The following KMO variants were observed in gnomAD, a reference collection of about 807,000 sequenced individuals.
The protein encoded by KMO is kynurenine 3-hydroxylase.
KMO carries 24 observed loss-of-function variants against 57.8 expected under a neutral mutation model. That is an observed-to-expected ratio of 0.42 (90% CI 0.30 to 0.58). The LOEUF is 0.58. Ranked by LOEUF, KMO falls within the 20% of genes least tolerant of loss-of-function variation. The pLI is 0.22. For synonymous variants in KMO, 210 were observed against 193.6 expected (o/e 1.08, Z -0.70); for missense variants, 483 against 588.2 (o/e 0.82, Z 1.85).
At chr1:241,563,762 G>T (rs1003554173) in intron 7 of KMO, among the ~76,000 whole-genome samples, 1 of 152,094 alleles carries the variant, frequency 6.6e-6, no homozygotes, top group Non-Finnish European at 1.5e-5. Flanking sequence ...CATTGTTTAG[G>T]CATGGCAATG....
Position 241,593,412 on chromosome 1 carries a change from G to A in KMO, c.*1259G>A, listed in dbSNP as rs1179782865. On this transcript the variant is annotated 3_prime_UTR_variant, in exon 15 of 15. Transcript: ENST00000366559. Reference sequence around the variant, plus strand: ...TTCAAACATGATTAATTATGAAGATGAAACACTAGAGTCATATAAGAAATA... The same window carrying A: ...TTCAAACATGATTAATTATGAAGATAAAACACTAGAGTCATATAAGAAATA... 1 of 426,112 alleles carries A rather than the reference G, an allele frequency of 2.3e-6. No individual in the cohort carries two copies. Among genetic ancestry groups the A allele is most frequent in the Non-Finnish European group, 5.2e-6 (1 of 194,034 alleles). The allele number at this position is 426,112 out of a possible 1,614,324, so 26.4% of individuals were successfully genotyped here. A position where few individuals can be genotyped will look rare whatever the true frequency, so the allele number is the denominator to read the frequency against.
At chr1:241,576,047 T>G (rs1235672153) in intron 10 of KMO, among the ~76,000 whole-genome samples, 1 of 151,802 alleles carries the variant, frequency 6.6e-6, no homozygotes, top group Non-Finnish European at 1.5e-5. Flanking sequence ...TAACTGTTGT[T>G]TTAAAGTCTG....
Position 241,593,273 on chromosome 1 carries a change from C to T in KMO, c.*1120C>T, listed in dbSNP as rs55802518. 4.7e-3 allele frequency: 1,569 copies of T among 332,100 alleles called. 11 individuals carry two copies. Among genetic ancestry groups the T allele is most frequent in the Non-Finnish European group, 7.5e-3 (1,071 of 142,780 alleles). 20.6% of individuals were successfully genotyped at this position (332,100 alleles called of 1,614,324 possible). A position where few individuals can be genotyped will look rare whatever the true frequency, so the allele number is the denominator to read the frequency against. On this transcript the variant is annotated 3_prime_UTR_variant, in exon 15 of 15. Transcript: ENST00000366559. ...AGAAGCAATTTACTAATTTATTCTTCGACTACATACTGCAGCAGAACCAGC... is the reference window on the plus strand; with the variant it reads ...AGAAGCAATTTACTAATTTATTCTTTGACTACATACTGCAGCAGAACCAGC...
At chr1:241,541,435 G>A (rs764243776) in intron 1 of KMO, among the ~76,000 whole-genome samples, 1 of 152,144 alleles carries the variant, frequency 6.6e-6, no homozygotes, top group African/African-American at 2.4e-5. Context: ...GCTGAGGAAT[G>A]GGAATAAGTC....
chr1:241,593,284 T>C lies in KMO; in HGVS notation c.*1131T>C. 1 of 381,692 alleles carries C rather than the reference T, an allele frequency of 2.6e-6. No homozygotes were observed. The highest frequency in any genetic ancestry group is 6.0e-6 in the Non-Finnish European group (1 of 167,084). The allele number at this position is 381,692 out of a possible 1,614,324, so 23.6% of individuals were successfully genotyped here. On this transcript the variant is annotated 3_prime_UTR_variant, in exon 15 of 15. Transcript: ENST00000366559. ...ACTAATTTATTCTTCGACTACATAC[T>C]GCAGCAGAACCAGCAATACACTTGA...
At chr1:241,579,151 G>A (rs1029165347) in intron 10 of KMO, among the ~76,000 whole-genome samples, 1 of 152,096 alleles carries the variant, frequency 6.6e-6, no homozygotes, top group South Asian at 2.1e-4. Flanking sequence ...CTTCCTGAGT[G>A]CAGGTTATTC....
intron 10 of KMO, among the ~76,000 whole-genome samples, chr1:241,579,664 T>A (rs760198360): frequency 5.5e-4 from 83 of 152,224 alleles, no homozygotes; most frequent in Non-Finnish European, 9.4e-4. Flanking sequence ...ATAAGCCTTC[T>A]CCTCAGAGAC....
At chr1:241,551,896 C>T (rs1661404631) in intron 4 of KMO, among the ~76,000 whole-genome samples, 1 of 152,188 alleles carries the variant, frequency 6.6e-6, no homozygotes, top group Middle Eastern at 3.4e-3. Context: ...GGGGTGGAGG[C>T]GGAGGTTCTA....
intron 6 of KMO, among the ~76,000 whole-genome samples, chr1:241,561,739 C>G (rs1024618543): frequency 1.3e-5 from 2 of 152,100 alleles, no homozygotes; most frequent in African/African-American, 4.8e-5. Context: ...CTTCTTTTCC[C>G]CTTCCTTTCT....
In KMO at chr1:241,595,153, ATTT is replaced by A. The variant is rs899640573; in HGVS notation, c.*3008_*3010del. The A allele has an allele frequency of 6.6e-6, 1 of 152,064 alleles. No individual in the cohort carries two copies. The highest frequency in any genetic ancestry group is 1.5e-5 in the Non-Finnish European group (1 of 68,398). The allele number at this position is 152,064 out of a possible 1,614,324, so 9.4% of individuals were successfully genotyped here. ...TAATGTCTCTTTAATTAGGTGAAGA[ATTT>A]TTTTTTTCTATCGAAATTACTAATC... On this transcript the variant is annotated 3_prime_UTR_variant, in exon 15 of 15. Transcript: ENST00000366559.
chr1:241,548,379 A>G (rs1165590229), intron 1 of KMO, among the ~76,000 whole-genome samples: 1 of 152,220 alleles, frequency 6.6e-6, no homozygotes, highest in Non-Finnish European at 1.5e-5. Context: ...CAGAAGTCAG[A>G]ATAATGTTTA....
chr1:241,562,898 GGAA>G lies in KMO; in HGVS notation c.615+568_615+570del, dbSNP rs1661915959. Among the ~76,000 whole-genome samples, 96 of 76,410 alleles carry G rather than the reference GGAA, an allele frequency of 1.3e-3. 1 individual carries two copies. The highest frequency in any genetic ancestry group is 0.012 in the Middle Eastern group (2 of 164). The allele number at this position is 76,410 out of a possible 152,430, so 50.1% of individuals were successfully genotyped here. ...AGGAAGGAAGGAAGGAAGGAAGGAAGGAAGGAAGGAAGGAAGGAAAGAAGGAAG... is the reference window on the plus strand; with the variant it reads ...AGGAAGGAAGGAAGGAAGGAAGGAAGGGAAGGAAGGAAGGAAAGAAGGAAG... On this transcript the variant is annotated intron_variant, in intron 7 of 14. Transcript: ENST00000366559.
At chr1:241,575,137 G>C (rs142591928) in intron 10 of KMO, among the ~76,000 whole-genome samples, 22 of 151,932 alleles carry the variant, frequency 1.4e-4, no homozygotes, top group African/African-American at 5.1e-4. Context: ...TTCTAATTGA[G>C]CTTGTTTGAA....
rs1661378456 is a variant in KMO at position 241,551,143 on chromosome 1, C to T, written c.312+99C>T. On this transcript the variant is annotated intron_variant, in intron 4 of 14. Coordinates refer to ENST00000366559, the MANE Select transcript of KMO (RefSeq NM_003679.5). ...GGCCCCTCTCTCTCCAGCCCTATCTCTGACATTGCTTGGCTCAGTCTAGAC... is the reference window on the plus strand; with the variant it reads ...GGCCCCTCTCTCTCCAGCCCTATCTTTGACATTGCTTGGCTCAGTCTAGAC... The T allele has an allele frequency of 4.2e-6, 3 of 713,080 alleles. No homozygotes were observed. The Admixed American group carries it at 8.3e-5, about 20-fold the overall frequency. 44.2% of individuals were successfully genotyped at this position (713,080 alleles called of 1,614,324 possible). A position where few individuals can be genotyped will look rare whatever the true frequency, so the allele number is the denominator to read the frequency against.
In KMO at chr1:241,539,818, G is replaced by A. The variant is rs1245367797; in HGVS notation, c.54+7320G>A. ...AAGGAGGGTGTGGAGCTCGGAATTG[G>A]CCAGTGTTTCAATCCCTTTTATTCA... is the stretch of plus-strand genomic sequence containing the variant. On this transcript the variant is annotated intron_variant, in intron 1 of 14. Transcript: ENST00000366559. Among the ~76,000 whole-genome samples the A allele has an allele frequency of 2.0e-5, 3 of 152,158 alleles. No individual in the cohort carries two copies. The South Asian group carries it at 6.2e-4, about 31-fold the overall frequency.
intron 10 of KMO, among the ~76,000 whole-genome samples, chr1:241,578,390 A>T (rs567414973): frequency 5.7e-4 from 87 of 152,192 alleles, no homozygotes; most frequent in African/African-American, 2.0e-3. Context: ...GTCCCATGGC[A>T]TGTTTCATTG....
At chr1:241,533,056 G>C (rs1660631158) in intron 1 of KMO, among the ~76,000 whole-genome samples, 1 of 152,226 alleles carries the variant, frequency 6.6e-6, no homozygotes. Context: ...AGACAGTGGA[G>C]TGAGGTGTTC....
rs749613080 is a variant in KMO at position 241,548,878 on chromosome 1, A to T, written c.104A>T (p.Asp35Val). The T allele has an allele frequency of 6.2e-7, 1 of 1,607,308 alleles. No individual in the cohort carries two copies. The highest frequency in any genetic ancestry group is 8.5e-7 in the Non-Finnish European group (1 of 1,174,372). Residue 35 changes from aspartate (D) to valine (V), a missense_variant, in exon 2 of 15, where the codon GAT becomes GTT. Physicochemically the swap from Asp to Val is radical, Grantham distance 152. Around this residue, in one of 3 missense-constraint regions of KMO, gnomAD observed 70 missense variants for 78.4 expected, o/e 0.89. Coordinates refer to ENST00000366559, the MANE Select transcript of KMO (RefSeq NM_003679.5). ...CFLAKRNFQIDVYEAREDTRV... is the reference protein window; with the variant it reads ...CFLAKRNFQIVVYEAREDTRV... ...CTTGCAAAGAGGAATTTCCAGATTG[A>T]TGTATATGAAGCTAGGGAAGGTACG...
chr1:241,552,194 GAGAGAA>G (rs376802558), intron 4 of KMO, among the ~76,000 whole-genome samples: 2,404 of 115,324 alleles, frequency 0.021, 53 homozygotes, highest in African/African-American at 0.067. Flanking sequence ...GAGAGAGAGA[GAGAGAA>G]AGAGCGTGCA....
Sources: gnomAD v4.1 joint callset for allele counts (sites outside exome capture counted in the v4.1 genomes callset) on GRCh38, gnomAD v4.1.1 for gene constraint, gnomAD v4.1.1 regional missense constraint, MANE v1.5 for transcripts, NCBI Gene and HGNC (gene_info 2026-07-23, HGNC 2026-07-21) for gene names.